Variants in FTSJ3 observed in about 807,000 individuals in gnomAD.
FTSJ3 encodes the protein FtsJ RNA 2'-O-methyltransferase 3.
A neutral mutation model predicts 111.5 loss-of-function variants in FTSJ3; 46 were observed. The observed-to-expected ratio is 0.41, with a 90% CI of 0.33 to 0.53. The LOEUF (loss-of-function observed/expected upper bound fraction) is 0.53. FTSJ3 is among the 20% of genes least tolerant of loss of function. The probability of loss-of-function intolerance (pLI) is 0.19; values close to 1 mark genes in which losing one functional copy is unlikely to be tolerated. For synonymous variants in FTSJ3, 408 were observed against 383.0 expected, an observed-to-expected ratio of 1.07 and a Z score of -0.76; for missense variants, 1,075 against 1,063.8, an observed-to-expected ratio of 1.01 and a Z score of -0.15.
rs375890755 is a variant in FTSJ3, at chr17:63,821,985, G to A, written c.1474C>T (p.Arg492Cys). The change falls in exon 14 of 21, where the codon CGT (arginine) becomes TGT (cysteine). Residue 492 changes from arginine to cysteine, a missense_variant and splice_region_variant. This residue lies in a region of FTSJ3 where 867 missense variants were observed against 796.9 expected (regional missense o/e 1.09). Coordinates refer to ENST00000427159, the MANE Select transcript of FTSJ3 (RefSeq NM_017647.4). ...CTTTGGTGCACACGTGCCCCTTACC[G>A]CTTTTGGTCCCTTAGACCCTGATGT... is the stretch of plus-strand genomic sequence containing the variant. ...RGHQGLRDQK[R>C]MRLTEVQDDK... The A allele has an allele frequency of 1.1e-5, 18 of 1,613,904 alleles. No individual in the cohort carries two copies. The highest frequency in any genetic ancestry group is 1.5e-5 in the Non-Finnish European group (18 of 1,179,884).
chr17:63,827,495 C>G lies in FTSJ3; in HGVS notation c.-470G>C, dbSNP rs967715869. The G allele has an allele frequency of 1.3e-6, 2 of 1,551,644 alleles. No individual in the cohort carries two copies. The highest frequency in any genetic ancestry group is 1.4e-5 in the African/African-American group (1 of 73,078). On this transcript the variant is annotated 5_prime_UTR_variant, in exon 1 of 21. Transcript: ENST00000427159. ...GGTCTCTGCTGAAGAGAGAAGATGG[C>G]GCTTGACGGACCAGAGCAGGTATGG...
At chr17:63,820,022 G>C (rs762710245) in intron 20 of FTSJ3, 28 bp from the exon 21 acceptor site, 2 of 1,613,986 alleles carry the variant, frequency 1.2e-6, no homozygotes, top group South Asian at 2.2e-5. Context: ...AGAGGTTAGA[G>C]GCTTGCTTTC....
rs549164456 is a variant in FTSJ3 at position 63,824,689 on chromosome 17, C to T, written c.865G>A (p.Asp289Asn). The T allele has an allele frequency of 7.4e-6, 12 of 1,614,208 alleles. No individual in the cohort carries two copies. In the East Asian group the frequency reaches 1.8e-4, roughly 24 times the overall value. ...ATGTCCTGACAGCACACCCGTATGTCCTCAGTGGTAGCTGGATGCTGTGCC... is the reference window on the plus strand; with the variant it reads ...ATGTCCTGACAGCACACCCGTATGTTCTCAGTGGTAGCTGGATGCTGTGCC... Reference protein sequence around the residue: ...ELAQHPATTEDIRVCCQDIRV... With the variant: ...ELAQHPATTENIRVCCQDIRV... Residue 289 changes from aspartate to asparagine, a missense_variant, in exon 10 of 21, where the codon GAC becomes AAC. Around this residue, in one of 2 missense-constraint regions of FTSJ3, gnomAD observed 867 missense variants for 796.9 expected, o/e 1.09. Coordinates refer to ENST00000427159, the MANE Select transcript of FTSJ3 (RefSeq NM_017647.4).
Position 63,825,616 on chromosome 17 carries a change from T to C in FTSJ3, c.320A>G (p.Lys107Arg). The change falls in exon 6 of 21, where the codon AAG becomes AGG. Residue 107 changes from lysine to arginine, a missense_variant. Physicochemically the swap from Lys to Arg is conservative, Grantham distance 26 (BLOSUM62 2). This residue lies in a region of FTSJ3 where 208 missense variants were observed against 266.9 expected (regional missense o/e 0.78). Transcript: ENST00000427159. ...RCRQALRKELKTWKVDVVLND... is the reference protein window; with the variant it reads ...RCRQALRKELRTWKVDVVLND... ...GAGCACAACATCAACCTTCCAGGTC[T>C]TCAGCTCCTTCCTCAGGGCCTAAAG... is the stretch of plus-strand genomic sequence containing the variant. The C allele has an allele frequency of 6.2e-7, 1 of 1,614,096 alleles. No homozygotes were observed. The highest frequency in any genetic ancestry group is 8.5e-7 in the Non-Finnish European group (1 of 1,179,992).
At chr17:63,821,931 C>T in intron 14 of FTSJ3, 53 bp downstream of exon 14, 1 of 1,612,574 alleles carries the variant, frequency 6.2e-7, no homozygotes, top group Non-Finnish European at 8.5e-7. Flanking sequence ...AGTACCCACC[C>T]TAACACTTCC....
chr17:63,823,644 C>G, intron 13 of FTSJ3, 173 bp downstream of exon 13: 2 of 681,692 alleles, frequency 2.9e-6, no homozygotes, highest in South Asian at 1.8e-5. Context: ...CCTAACTCAT[C>G]CTTTTTGGTT....
At position 63,827,456 on chromosome 17, in the gene FTSJ3, G is replaced by T; in HGVS notation, c.-431C>A. 1 of 1,551,750 alleles carries T rather than the reference G, an allele frequency of 6.4e-7. No homozygotes were observed. The highest frequency in any genetic ancestry group is 8.7e-7 in the Non-Finnish European group (1 of 1,147,010). ...GCTTCCGCGCTTGCGCGCCAAGACGGCTCGGATGCCGGCGGTCTCTGCTGA... is the reference window on the plus strand; with the variant it reads ...GCTTCCGCGCTTGCGCGCCAAGACGTCTCGGATGCCGGCGGTCTCTGCTGA... On this transcript the variant is annotated 5_prime_UTR_variant, in exon 1 of 21. Transcript: ENST00000427159.
rs1388147854 is a variant in FTSJ3, at chr17:63,825,608, T to G, written c.328A>C (p.Lys110Gln). 6.2e-7 allele frequency: 1 copy of G among 1,614,050 alleles called. No individual in the cohort carries two copies. The highest frequency in any genetic ancestry group is 1.1e-5 in the South Asian group (1 of 91,074). The change falls in exon 6 of 21, where the codon AAG becomes CAG. Residue 110 changes from lysine to glutamine, a missense_variant. This residue lies in a region of FTSJ3 where 208 missense variants were observed against 266.9 expected (regional missense o/e 0.78). Coordinates refer to ENST00000427159, the MANE Select transcript of FTSJ3 (RefSeq NM_017647.4). ...CCATCATTGAGCACAACATCAACCTTCCAGGTCTTCAGCTCCTTCCTCAGG... is the reference window on the plus strand; with the variant it reads ...CCATCATTGAGCACAACATCAACCTGCCAGGTCTTCAGCTCCTTCCTCAGG... ...QALRKELKTW[K>Q]VDVVLNDGAP...
At chr17:63,825,834 C>T in intron 5 of FTSJ3, 199 bp from the exon 6 acceptor site, 1 of 630,786 alleles carries the variant, frequency 1.6e-6, no homozygotes, top group Non-Finnish European at 2.8e-6. Context: ...CAGGAGAAGA[C>T]TTCACTAAAG....
intron 2 of FTSJ3, 38 bp from the exon 3 acceptor site, chr17:63,826,710 G>C: frequency 6.3e-7 from 1 of 1,579,002 alleles, no homozygotes; most frequent in Non-Finnish European, 8.7e-7. Context: ...TGCTTCACTA[G>C]TAGGATTTCT....
chr17:63,823,426 T>C (rs1285706627), intron 13 of FTSJ3, among the ~76,000 whole-genome samples: 3 of 152,066 alleles, frequency 2.0e-5, no homozygotes, highest in Non-Finnish European at 2.9e-5. Flanking sequence ...AAACCCCGTC[T>C]CTACTAAAAA....
chr17:63,826,017 T>G (rs779748181), intron 5 of FTSJ3, 39 bp downstream of exon 5: 3 of 1,513,634 alleles, frequency 2.0e-6, no homozygotes, highest in Non-Finnish European at 9.1e-7. Flanking sequence ...TGTAGATGTT[T>G]CCGTATAAAG....
rs1012085437 is a variant in FTSJ3 at position 63,827,595 on chromosome 17, G to C, written c.-570C>G. The C allele has an allele frequency of 1.5e-5, 23 of 1,550,364 alleles. No homozygotes were observed. In the African/African-American group the frequency reaches 3.1e-4, roughly 21 times the overall value. ...GTGATCTGAGTGGAGAGCGGGCCGG[G>C]GCAGGAGCGTCGGGTGGGTCGGAGG... On this transcript the variant is annotated 5_prime_UTR_variant, in exon 1 of 21. Transcript: ENST00000427159.
At chr17:63,826,236 A>G in intron 4 of FTSJ3, 22 bp downstream of exon 4, 1 of 1,613,754 alleles carries the variant, frequency 6.2e-7, no homozygotes, top group Non-Finnish European at 8.5e-7. Flanking sequence ...TAAAACACCA[A>G]GGAGAGCTGT....
rs372742570 is a variant in FTSJ3 at position 63,820,822 on chromosome 17, GT to G, written c.2072+16del. The G allele has an allele frequency of 1.1e-5, 17 of 1,589,310 alleles. No homozygotes were observed. Among genetic ancestry groups the G allele is most frequent in the Non-Finnish European group, 1.4e-5 (16 of 1,157,776 alleles). ...CCAGACCCTGGGTCACTCTTGATGAGTTTATGGCCCCTTTACCGGTTGAAGG... is the reference window on the plus strand; with the variant it reads ...CCAGACCCTGGGTCACTCTTGATGAGTTATGGCCCCTTTACCGGTTGAAGG... On this transcript the variant is annotated intron_variant, in intron 18 of 20. Coordinates refer to ENST00000427159, the MANE Select transcript of FTSJ3 (RefSeq NM_017647.4).
At position 63,821,531 on chromosome 17, in the gene FTSJ3, A is replaced by T. The variant is rs1372338554; in HGVS notation, c.1709T>A (p.Leu570Gln). Residue 570 changes from leucine to glutamine, a missense_variant, in exon 16 of 21, where the codon CTG becomes CAG. Physicochemically the swap from Leu to Gln is moderately radical, Grantham distance 113. Coordinates refer to ENST00000427159, the MANE Select transcript of FTSJ3 (RefSeq NM_017647.4). ...KGRQQQQKQQ[L>Q]PQTPPSCLKT... The stretch of plus-strand genomic sequence containing the variant: ...CAAACAGGAAGGGGGTGTCTGTGGC[A>T]GCTGCTGCTTCTGCTGCTGCTGCCG... The T allele has an allele frequency of 1.9e-6, 3 of 1,614,130 alleles. No individual in the cohort carries two copies. Among genetic ancestry groups the T allele is most frequent in the Non-Finnish European group, 2.5e-6 (3 of 1,180,042 alleles).
rs780216779 is a variant in FTSJ3, at chr17:63,825,353, G to A, written c.484C>T (p.Arg162Cys). The A allele has an allele frequency of 9.3e-6, 15 of 1,614,072 alleles. No homozygotes were observed. Among genetic ancestry groups the A allele is most frequent in the Admixed American group, 1.7e-5 (1 of 60,008 alleles). Reference protein sequence around the residue: ...GSFITKVFRSRDYQPLLWIFQ... With the variant: ...GSFITKVFRSCDYQPLLWIFQ... ...ATCCATAGCAGAGGCTGATAGTCAC[G>A]AGAACGGAAAACCTTTGTGATGAAG... The change falls in exon 7 of 21, where the codon CGT becomes TGT. Residue 162 changes from arginine (R) to cysteine (C), a missense_variant. This residue lies in a region of FTSJ3 where 208 missense variants were observed against 266.9 expected (regional missense o/e 0.78). Coordinates refer to ENST00000427159, the MANE Select transcript of FTSJ3 (RefSeq NM_017647.4).
Position 63,826,646 on chromosome 17 carries a change from G to A in FTSJ3, c.94C>T (p.Leu32=). 1 of 1,614,090 alleles carries A rather than the reference G, an allele frequency of 6.2e-7. No homozygotes were observed. Among genetic ancestry groups the A allele is most frequent in the South Asian group, 1.1e-5 (1 of 91,082 alleles). The part of the protein sequence containing the change: ...TGYRSRSAFK[L]IQLNRRFQFL... ...TGAAAGCGGCGATTGAGCTGGATCA[G>A]CTTGAAAGCAGATCGGGAACGGTAA... Residue 32 remains leucine (L), a synonymous_variant, in exon 3 of 21, where the codon CTG becomes TTG. Coordinates refer to ENST00000427159, the MANE Select transcript of FTSJ3 (RefSeq NM_017647.4).
chr17:63,819,439 T>A lies in FTSJ3; in HGVS notation c.*363A>T. ...CTGTCAGAAAAGACAACTCTTCCAT[T>A]ATCCTGGTTTTATTCAGGAATAGGA... On this transcript the variant is annotated 3_prime_UTR_variant, in exon 21 of 21. Coordinates refer to ENST00000427159, the MANE Select transcript of FTSJ3 (RefSeq NM_017647.4). 1 of 208,020 alleles carries A rather than the reference T, an allele frequency of 4.8e-6. No individual in the cohort carries two copies. Among genetic ancestry groups the A allele is most frequent in the Non-Finnish European group, 9.7e-6 (1 of 102,724 alleles). 12.9% of individuals were successfully genotyped at this position (208,020 alleles called of 1,614,324 possible).
Sources: allele counts gnomAD v4.1 joint callset (sites outside exome capture counted in the v4.1 genomes callset), GRCh38; gene constraint gnomAD v4.1.1; regional missense constraint gnomAD v4.1.1; transcripts MANE v1.5; gene names NCBI Gene and HGNC (gene_info 2026-07-23, HGNC 2026-07-21).